Variants in CDH13 observed in about 807,000 individuals in gnomAD.
CDH13 encodes the protein cadherin-13.
In CDH13, 24 loss-of-function variants were observed where a neutral mutation model predicts 63.8. The observed-to-expected ratio is 0.38, with a 90% CI of 0.27 to 0.53. The LOEUF is 0.53. Among genes scored for constraint, CDH13 ranks in the 20% least tolerant of loss-of-function variants. CDH13 has a pLI of 0.85. For missense variants in CDH13, 1,049 were observed against 903.1 expected, an observed-to-expected ratio of 1.16 and a Z score of -2.07; for synonymous variants, 503 against 355.3, an observed-to-expected ratio of 1.42 and a Z score of -4.67.
At chr16:83,230,293 T>TA (rs1567523868) in intron 5 of CDH13, among the ~76,000 whole-genome samples, 1 of 152,040 alleles carries the variant, frequency 6.6e-6, no homozygotes, top group Non-Finnish European at 1.5e-5. Flanking sequence ...TGCTCCCAAA[T>TA]AAAAAGGAGA....
intron 2 of CDH13, among the ~76,000 whole-genome samples, chr16:82,896,314 C>G (rs1346157795): frequency 1.7e-5 from 1 of 60,300 alleles, no homozygotes; most frequent in Non-Finnish European, 3.1e-5. Flanking sequence ...TTTTTTGAAA[C>G]AAGGTCTTCC....
intron 5 of CDH13, among the ~76,000 whole-genome samples, chr16:83,286,901 C>A (rs940178202): frequency 1.3e-5 from 2 of 151,866 alleles, no homozygotes; most frequent in East Asian, 3.9e-4. Flanking sequence ...GAAAGTGAAG[C>A]AAGGGCTGGA....
intron 6 of CDH13, among the ~76,000 whole-genome samples, chr16:83,405,701 C>T (rs2092031954): frequency 6.6e-6 from 1 of 152,168 alleles, no homozygotes; most frequent in Non-Finnish European, 1.5e-5. Flanking sequence ...GCATAAGTAC[C>T]ACACTCTGTA....
intron 7 of CDH13, among the ~76,000 whole-genome samples, chr16:83,532,417 G>C (rs1361905973): frequency 6.6e-6 from 1 of 152,202 alleles, no homozygotes; most frequent in African/African-American, 2.4e-5. Flanking sequence ...CCTGGAACCA[G>C]TGCTTGGAAC....
chr16:82,874,617 A>G (rs968950391), intron 2 of CDH13, among the ~76,000 whole-genome samples: 1 of 152,230 alleles, frequency 6.6e-6, no homozygotes, highest in Non-Finnish European at 1.5e-5. Context: ...ATATGTATAC[A>G]TTAAATTCCA....
chr16:83,499,809 T>TA (rs2074229089), intron 7 of CDH13, among the ~76,000 whole-genome samples: 1 of 6,112 alleles, frequency 1.6e-4, no homozygotes, highest in Non-Finnish European at 3.1e-3. Flanking sequence ...ATTCTGTTAA[T>TA]CTTTTTTTTT....
intron 1 of CDH13, among the ~76,000 whole-genome samples, chr16:82,820,154 G>A (rs1445040290): frequency 6.6e-6 from 1 of 152,126 alleles, no homozygotes; most frequent in Non-Finnish European, 1.5e-5. Flanking sequence ...AAGTGGGAAT[G>A]ATTAAATATC....
chr16:82,830,347 C>G (rs549141414), intron 1 of CDH13, among the ~76,000 whole-genome samples: 6 of 152,298 alleles, frequency 3.9e-5, no homozygotes, highest in African/African-American at 7.2e-5. Flanking sequence ...CTGGTGTTGA[C>G]TCTTGAGTAG....
chr16:83,024,468 G>A (rs765604982), intron 2 of CDH13, among the ~76,000 whole-genome samples: 21 of 152,128 alleles, frequency 1.4e-4, no homozygotes, highest in Admixed American at 3.3e-4. Flanking sequence ...CATTCATCTA[G>A]AAAGACTGGC....
intron 13 of CDH13, among the ~76,000 whole-genome samples, chr16:83,790,702 C>G (rs548733945): frequency 6.6e-6 from 1 of 152,244 alleles, no homozygotes; most frequent in East Asian, 1.9e-4. Flanking sequence ...CATGCCTGGC[C>G]CGGTTGTTGT....
At chr16:83,430,049 A>G (rs1231613998) in intron 6 of CDH13, among the ~76,000 whole-genome samples, 1 of 152,210 alleles carries the variant, frequency 6.6e-6, no homozygotes, top group Non-Finnish European at 1.5e-5. Flanking sequence ...TACAGACACT[A>G]TGGGACACAG....
rs74841152 is a variant in CDH13, at chr16:83,696,827, C to T, written c.1538+18366C>T. On this transcript the variant is annotated intron_variant, in intron 10 of 13. Transcript: ENST00000567109. ...CATTCTTACAAGGCACCATCCACAT[C>T]GCGGTGATCCTCTTAAACTGAAGCT... 7.7e-4 allele frequency among the ~76,000 whole-genome samples: 118 copies of T among 152,276 alleles called. 1 individual carries two copies. In the East Asian group the frequency reaches 0.019, roughly 25 times the overall value.
intron 4 of CDH13, among the ~76,000 whole-genome samples, chr16:83,209,498 C>T (rs1043119961): frequency 1.3e-5 from 2 of 152,130 alleles, no homozygotes; most frequent in African/African-American, 4.8e-5. Flanking sequence ...AATGTGTCTC[C>T]AGGTAAAGTG....
chr16:83,148,030 T>A (rs1380895294), intron 4 of CDH13, among the ~76,000 whole-genome samples: 2 of 152,148 alleles, frequency 1.3e-5, no homozygotes, highest in African/African-American at 4.8e-5. Flanking sequence ...GCCTCCTAGG[T>A]ACAAGCAATT....
At chr16:83,177,657 C>T (rs754039176) in intron 4 of CDH13, among the ~76,000 whole-genome samples, 1 of 152,126 alleles carries the variant, frequency 6.6e-6, no homozygotes. Context: ...TAGCAAGGTC[C>T]CCTCCACATA....
chr16:82,942,094 T>C (rs1170897024), intron 2 of CDH13, among the ~76,000 whole-genome samples: 1 of 152,224 alleles, frequency 6.6e-6, no homozygotes, highest in East Asian at 1.9e-4. Flanking sequence ...GCTTCTTGTG[T>C]CCTGTTTAAG....
chr16:82,980,871 G>C (rs1160654300), intron 2 of CDH13, among the ~76,000 whole-genome samples: 2 of 152,178 alleles, frequency 1.3e-5, no homozygotes, highest in Non-Finnish European at 2.9e-5. Flanking sequence ...ATTTATTAAA[G>C]TGTCTATGTC....
chr16:83,440,508 G>A (rs564069222), intron 6 of CDH13, among the ~76,000 whole-genome samples: 4 of 152,114 alleles, frequency 2.6e-5, no homozygotes, highest in Admixed American at 6.5e-5. Context: ...GGCCAGGCAC[G>A]GTGGCTTATG....
At chr16:82,817,113 G>A (rs2037756868) in intron 1 of CDH13, among the ~76,000 whole-genome samples, 2 of 152,184 alleles carry the variant, frequency 1.3e-5, no homozygotes, top group African/African-American at 4.8e-5. Context: ...AGAGAACCCT[G>A]AAGTCCCATT....
Sources: gnomAD v4.1 joint callset for allele counts (sites outside exome capture counted in the v4.1 genomes callset) on GRCh38, gnomAD v4.1.1 for gene constraint, MANE v1.5 for transcripts, NCBI Gene and HGNC (gene_info 2026-07-23, HGNC 2026-07-21) for gene names.